Variants in UNC79 observed in about 807,000 individuals in gnomAD.
UNC79 encodes the protein unc-79 subunit of NALCN channel complex, also known as protein unc-79 homolog.
UNC79 carries 37 observed loss-of-function variants against 283.1 expected under a neutral mutation model. The observed-to-expected ratio is 0.13, with a 90% CI of 0.10 to 0.17. The LOEUF (loss-of-function observed/expected upper bound fraction) is 0.17. Among genes scored for constraint, UNC79 ranks in the 10% least tolerant of loss-of-function variants. The pLI, the probability that UNC79 is intolerant of heterozygous loss-of-function variation, is 1.00. For synonymous variants in UNC79, 1,107 were observed against 1,200.2 expected, an observed-to-expected ratio of 0.92 and a Z score of 1.61; for missense variants, 2,272 against 3,211.1, an observed-to-expected ratio of 0.71 and a Z score of 7.07.
At chr14:93,347,201 G>A in intron 1 of UNC79, 1 of 1,506,476 alleles carries the variant, frequency 6.6e-7, no homozygotes, top group South Asian at 1.3e-5. Flanking sequence ...ACGAGCACTG[G>A]AGCTTGCGTT....
chr14:93,700,445 C>T (rs1409191546), intron 47 of UNC79, among the ~76,000 whole-genome samples: 1 of 151,954 alleles, frequency 6.6e-6, no homozygotes, highest in Non-Finnish European at 1.5e-5. Flanking sequence ...TTTTAATGTC[C>T]TTGTCTGTTA....
At chr14:93,605,140 A>T (rs1234483332) in intron 26 of UNC79, among the ~76,000 whole-genome samples, 179 bp downstream of exon 27, 1 of 152,030 alleles carries the variant, frequency 6.6e-6, no homozygotes, top group Admixed American at 6.5e-5. Context: ...TTCCATTTTG[A>T]TATTAACAGA....
chr14:93,496,645 T>A (rs1248875115), intron 6 of UNC79, among the ~76,000 whole-genome samples, 179 bp downstream of exon 6: 1 of 152,204 alleles, frequency 6.6e-6, no homozygotes, highest in Non-Finnish European at 1.5e-5. Flanking sequence ...AGAGCAGAAA[T>A]GGTACTTTAA....
At chr14:93,607,319 G>T (rs575421657) in intron 26 of UNC79, among the ~76,000 whole-genome samples, 5 of 152,240 alleles carry the variant, frequency 3.3e-5, no homozygotes, top group East Asian at 3.9e-4. Context: ...ACAATAATAG[G>T]TATGTAATAA....
chr14:93,469,695 C>T (rs929706503), intron 2 of UNC79, among the ~76,000 whole-genome samples: 3 of 152,080 alleles, frequency 2.0e-5, no homozygotes, highest in African/African-American at 7.2e-5. Flanking sequence ...GCCTGGACAA[C>T]ATAGTAAGAC....
intron 1 of UNC79, among the ~76,000 whole-genome samples, chr14:93,375,460 A>C (rs1273290400): frequency 1.3e-5 from 2 of 152,256 alleles, no homozygotes; most frequent in African/African-American, 4.8e-5. Flanking sequence ...GGATTAGTAG[A>C]TTAATGGGTT....
intron 20 of UNC79, among the ~76,000 whole-genome samples, chr14:93,584,211 A>C (rs1202126313): frequency 6.6e-6 from 1 of 152,222 alleles, no homozygotes; most frequent in Non-Finnish European, 1.5e-5. Context: ...TGAGGAAAAT[A>C]AATCCCAGAT....
intron 1 of UNC79, among the ~76,000 whole-genome samples, chr14:93,381,317 C>T (rs1367247784): frequency 6.6e-6 from 1 of 152,158 alleles, no homozygotes; most frequent in Non-Finnish European, 1.5e-5. Context: ...TTGTGACTCC[C>T]CCCAGAAGGA....
rs558486535 is a variant in UNC79 at position 93,668,149 on chromosome 14, A to G, written c.6637-5202A>G. 3.9e-5 allele frequency among the ~76,000 whole-genome samples: 6 copies of G among 152,298 alleles called. No individual in the cohort carries two copies. The South Asian group carries it at 1.0e-3, about 26-fold the overall frequency. On this transcript the variant is annotated intron_variant, in intron 40 of 48. Coordinates refer to ENST00000555664, the Ensembl canonical transcript of UNC79. ...TATTTATCATGGTGCTGGAGGTCCC[A>G]TTCAGTTCTGCAAGACAGGAAGAAG... is the stretch of plus-strand genomic sequence containing the variant.
intron 1 of UNC79, among the ~76,000 whole-genome samples, chr14:93,355,354 A>G (rs989258582): frequency 2.0e-5 from 3 of 152,310 alleles, no homozygotes; most frequent in African/African-American, 2.4e-5. Flanking sequence ...GCCTGCCACC[A>G]TACCCAGCTA....
intron 29 of UNC79, among the ~76,000 whole-genome samples, chr14:93,619,653 G>C (rs1936647174): frequency 6.6e-6 from 1 of 151,970 alleles, no homozygotes; most frequent in Non-Finnish European, 1.5e-5. Context: ...GTTTAGTATG[G>C]TTATTTCATC....
intron 19 of UNC79, 86 bp downstream of exon 19, chr14:93,580,462 C>T: frequency 7.8e-7 from 1 of 1,280,654 alleles, no homozygotes. Flanking sequence ...CCTCCAGCAG[C>T]ATCTTATACT....
Position 93,531,606 on chromosome 14 carries a change from A to G in UNC79, c.1094-944A>G, listed in dbSNP as rs1170553207. ...AAATTGCTTTCTCTTAAATAACCCT[A>G]CAGCTGGTTTTACACACACACGTTA... is the stretch of plus-strand genomic sequence containing the variant. On this transcript the variant is annotated intron_variant, in intron 10 of 48. Transcript: ENST00000555664. The surrounding 1 kb of genome is among the most constrained non-coding windows in gnomAD (Gnocchi z 4.2). Among the ~76,000 whole-genome samples the G allele has an allele frequency of 2.6e-5, 4 of 152,224 alleles. No individual in the cohort carries two copies. Among genetic ancestry groups the G allele is most frequent in the Admixed American group, 2.6e-4 (4 of 15,290 alleles).
intron 40 of UNC79, 88 bp from the exon 44 acceptor site, chr14:93,673,263 C>A (rs1159288131): frequency 8.9e-7 from 1 of 1,117,694 alleles, no homozygotes; most frequent in East Asian, 2.5e-5. Flanking sequence ...ATTTCTGACC[C>A]GTGAATTTTT....
chr14:93,403,771 A>G (rs2055159222), intron 1 of UNC79, among the ~76,000 whole-genome samples: 1 of 152,202 alleles, frequency 6.6e-6, no homozygotes, highest in African/African-American at 2.4e-5. Flanking sequence ...TTTTATAAAA[A>G]GGCAATTGGA....
chr14:93,675,045 G>C (rs994198789), intron 41 of UNC79, among the ~76,000 whole-genome samples: 1 of 152,188 alleles, frequency 6.6e-6, no homozygotes. Flanking sequence ...GAATTTTGCT[G>C]AAACTCCGCT....
chr14:93,336,485 G>T (rs937046955), intron 1 of UNC79, among the ~76,000 whole-genome samples: 1 of 152,126 alleles, frequency 6.6e-6, no homozygotes, highest in African/African-American at 2.4e-5. Context: ...GGGATTACAG[G>T]TGCGTGCCAC....
At chr14:93,673,910 T>C (rs1028412410) in intron 41 of UNC79, among the ~76,000 whole-genome samples, 10 of 152,152 alleles carry the variant, frequency 6.6e-5, no homozygotes, top group African/African-American at 7.2e-5. Flanking sequence ...GACAGTCAAA[T>C]GGCAGGATGC....
chr14:93,421,427 C>T (rs935325031), intron 1 of UNC79, among the ~76,000 whole-genome samples: 1 of 151,564 alleles, frequency 6.6e-6, no homozygotes, highest in Non-Finnish European at 1.5e-5. Flanking sequence ...AAAACCTGAA[C>T]AGACCAATAA....
Sources: gnomAD v4.1 joint callset for allele counts (sites outside exome capture counted in the v4.1 genomes callset) on GRCh38, gnomAD v4.1.1 for gene constraint, Gnocchi (gnomAD v3.1) non-coding constraint, MANE v1.5 for transcripts, NCBI Gene and HGNC (gene_info 2026-07-23, HGNC 2026-07-21) for gene names.